The following ARHGEF16 variants were observed in gnomAD, a reference collection of about 807,000 sequenced individuals.
ARHGEF16 encodes Rho guanine nucleotide exchange factor 16, also known as Rho guanine exchange factor (GEF) 16.
In ARHGEF16, 59 loss-of-function variants were observed where a neutral mutation model predicts 74.1. The ratio of observed to expected loss-of-function variants is 0.80; its 90% CI spans 0.65 to 0.99. The LOEUF is 0.99. Among genes scored for constraint, ARHGEF16 ranks in the 50% least tolerant of loss-of-function variants. The pLI is 0.00. For missense variants in ARHGEF16, 948 were observed against 986.6 expected, an observed-to-expected ratio of 0.96 and a Z score of 0.52; for synonymous variants, 415 against 412.6, an observed-to-expected ratio of 1.01 and a Z score of -0.07.
intron 6 of ARHGEF16, 73 bp from the exon 7 acceptor site, chr1:3,472,981 TATGTGTGAGTGTGCATGCAGATGC>T: frequency 7.5e-7 from 1 of 1,334,510 alleles, no homozygotes; most frequent in African/African-American, 1.5e-5. Context: ...CACGTCCATG[TATGTGTGAGTGTGCATGCAGATGC>T]ATGTCTGTGT....
chr1:3,468,673 G>T, intron 4 of ARHGEF16: 1 of 605,372 alleles, frequency 1.7e-6, no homozygotes, highest in South Asian at 1.9e-5. Context: ...GGGAGCGGGG[G>T]GCTGACCCAA....
At position 3,468,932 on chromosome 1, in the gene ARHGEF16, A is replaced by G. The variant is rs1412433608; in HGVS notation, c.857A>G (p.Gln286Arg). 2 of 1,549,864 alleles carry G rather than the reference A, an allele frequency of 1.3e-6. No homozygotes were observed. Among genetic ancestry groups the G allele is most frequent in the African/African-American group, 2.7e-5 (2 of 72,988 alleles). The change falls in exon 5 of 15, where the codon CAG becomes CGG. Residue 286 changes from glutamine (Q) to arginine (R), a missense_variant. Coordinates refer to ENST00000378378, the MANE Select transcript of ARHGEF16 (RefSeq NM_014448.4). ...CTCTCCACTGAGGAGCGGAAAAGGC[A>G]GGAGGTAAAAGGGCCCTGGGCGGGA... ...DQLSTEERKRQEAMFEILTSE... is the reference protein window; with the variant it reads ...DQLSTEERKRREAMFEILTSE...
chr1:3,476,926 C>T (rs982598226), intron 10 of ARHGEF16, among the ~76,000 whole-genome samples: 8 of 152,116 alleles, frequency 5.3e-5, no homozygotes, highest in African/African-American at 1.4e-4. Flanking sequence ...GCAGCCCTCA[C>T]GCTTGTCTCC....
At chr1:3,475,855 G>C in intron 9 of ARHGEF16, 115 bp from the exon 10 acceptor site, 1 of 1,002,186 alleles carries the variant, frequency 1.0e-6, no homozygotes, top group South Asian at 1.7e-5. Flanking sequence ...TCCAGGGCAG[G>C]CACTGTGGGC....
Position 3,480,002 on chromosome 1 carries a change from G to C in ARHGEF16, c.1990+89G>C, listed in dbSNP as rs1379395361. Reference sequence around the variant, plus strand: ...AGCCTGGCCAGGTCCAGAGCATGCCGGGCTGCAGGCTGACCATGTGCTCAC... The same window carrying C: ...AGCCTGGCCAGGTCCAGAGCATGCCCGGCTGCAGGCTGACCATGTGCTCAC... On this transcript the variant is annotated intron_variant, in intron 14 of 14. Transcript: ENST00000378378. The C allele has an allele frequency of 1.1e-5, 14 of 1,318,558 alleles. No individual in the cohort carries two copies. In the East Asian group the frequency reaches 3.3e-4, roughly 31 times the overall value. 81.7% of individuals were successfully genotyped at this position (1,318,558 alleles called of 1,614,324 possible). A position where few individuals can be genotyped will look rare whatever the true frequency, so the allele number is the denominator to read the frequency against.
At chr1:3,478,071 A>G (rs893883772) in intron 11 of ARHGEF16, 45 bp downstream of exon 11, 1 of 1,610,906 alleles carries the variant, frequency 6.2e-7, no homozygotes, top group Admixed American at 1.7e-5. Context: ...CTCCATGGAC[A>G]CTGGACCGCT....
At chr1:3,474,834 T>TGGCCCC in intron 9 of ARHGEF16, 52 bp downstream of exon 9, 4 of 1,527,994 alleles carry the variant, frequency 2.6e-6, no homozygotes, top group Non-Finnish European at 2.7e-6. Context: ...CCCGACCCTG[T>TGGCCCC]CCCCACCCAA....
chr1:3,477,008 C>T (rs920958143), intron 10 of ARHGEF16, among the ~76,000 whole-genome samples: 3 of 152,046 alleles, frequency 2.0e-5, no homozygotes, highest in Admixed American at 6.5e-5. Flanking sequence ...GCCTGGTCCA[C>T]CCCTGAGTGG....
chr1:3,467,925 G>T (rs1289180298), intron 4 of ARHGEF16, among the ~76,000 whole-genome samples: 5 of 152,100 alleles, frequency 3.3e-5, no homozygotes, highest in Non-Finnish European at 5.9e-5. Context: ...GGGGAGGGCG[G>T]GCCCCCACCT....
chr1:3,463,692 G>T lies in ARHGEF16; in HGVS notation c.588+20G>T. On this transcript the variant is annotated intron_variant, in intron 2 of 14. Coordinates refer to ENST00000378378, the MANE Select transcript of ARHGEF16 (RefSeq NM_014448.4). ...AACAAGGTAGGGGCCTGCTCGTGTGGACCGTGGGGAGGGGGCTGCTAGGCA... is the reference window on the plus strand; with the variant it reads ...AACAAGGTAGGGGCCTGCTCGTGTGTACCGTGGGGAGGGGGCTGCTAGGCA... 2 of 1,387,412 alleles carry T rather than the reference G, an allele frequency of 1.4e-6. No individual in the cohort carries two copies. Among genetic ancestry groups the T allele is most frequent in the South Asian group, 2.0e-5 (1 of 50,052 alleles). 85.9% of individuals were successfully genotyped at this position (1,387,412 alleles called of 1,614,324 possible). A position where few individuals can be genotyped will look rare whatever the true frequency, so the allele number is the denominator to read the frequency against.
intron 2 of ARHGEF16, among the ~76,000 whole-genome samples, chr1:3,464,460 T>C (rs1434216457): frequency 6.6e-6 from 1 of 152,134 alleles, no homozygotes; most frequent in East Asian, 1.9e-4. Flanking sequence ...CTTGGTCTCT[T>C]TAGCTGGTGG....
In ARHGEF16 at chr1:3,473,455, G is replaced by T. The variant is rs1347656135; in HGVS notation, c.1238G>T (p.Gly413Val). 4 of 1,612,518 alleles carry T rather than the reference G, an allele frequency of 2.5e-6. No homozygotes were observed. The highest frequency in any genetic ancestry group is 3.4e-6 in the Non-Finnish European group (4 of 1,179,978). Residue 413 changes from glycine (G) to valine (V), a missense_variant, in exon 8 of 15, where the codon GGC becomes GTC. By Grantham distance (109) the Gly-to-Val change is moderately radical (BLOSUM62 -3). Coordinates refer to ENST00000378378, the MANE Select transcript of ARHGEF16 (RefSeq NM_014448.4). Reference sequence around the variant, plus strand: ...ATTGAGAGGCGGCCGGCGTGCGGGGGCCTGCCCATGCTCTCCTTCCTGATC... The same window carrying T: ...ATTGAGAGGCGGCCGGCGTGCGGGGTCCTGCCCATGCTCTCCTTCCTGATC... ...REIERRPACG[G>V]LPMLSFLILP...
At chr1:3,480,400 G>T (rs1640023006) in intron 14 of ARHGEF16, 48 bp from the exon 15 acceptor site, 2 of 1,606,238 alleles carry the variant, frequency 1.2e-6, no homozygotes, top group East Asian at 4.5e-5. Flanking sequence ...GGGGCCGGGG[G>T]ACCCACGGCC....
In ARHGEF16 at chr1:3,473,101, G is replaced by T. The variant is rs536938385; in HGVS notation, c.1046G>T (p.Arg349Leu). Residue 349 changes from arginine (R) to leucine (L), a missense_variant, in exon 7 of 15, where the codon CGG becomes CTG. Physicochemically the swap from Arg to Leu is moderately radical, Grantham distance 102 (BLOSUM62 -2). Coordinates refer to ENST00000378378, the MANE Select transcript of ARHGEF16 (RefSeq NM_014448.4). ...AGGTTCTTCGAGGACCTGGAGCAGC[G>T]GCACAAGGCCCAGGTGCTGGTCGAG... ...SQRFFEDLEQ[R>L]HKAQVLVEDI... 33 of 1,613,172 alleles carry T rather than the reference G, an allele frequency of 2.0e-5. No individual in the cohort carries two copies. The South Asian group carries it at 3.1e-4, about 15-fold the overall frequency.
Position 3,463,413 on chromosome 1 carries a change from C to A in ARHGEF16, c.329C>A (p.Ala110Glu), listed in dbSNP as rs977683455. Residue 110 changes from alanine to glutamate, a missense_variant, in exon 2 of 15, where the codon GCG becomes GAG. By Grantham distance (107) the Ala-to-Glu change is moderately radical (BLOSUM62 -1). Transcript: ENST00000378378. ...KTPARHQSFG[A>E]AVLSREAARR... The stretch of plus-strand genomic sequence containing the variant: ...CCAGCCCGCCACCAGAGCTTCGGGG[C>A]GGCTGTACTTAGCAGGGAGGCCGCC... The A allele has an allele frequency of 1.9e-6, 3 of 1,549,912 alleles. No homozygotes were observed. The highest frequency in any genetic ancestry group is 1.7e-6 in the Non-Finnish European group (2 of 1,146,734).
chr1:3,457,146 G>C (rs1381681187), intron 1 of ARHGEF16, among the ~76,000 whole-genome samples: 2 of 152,256 alleles, frequency 1.3e-5, no homozygotes, highest in African/African-American at 4.8e-5. Context: ...AAACGGAGCT[G>C]GCTGATGTGT....
At chr1:3,457,743 G>A (rs1639298538) in intron 1 of ARHGEF16, among the ~76,000 whole-genome samples, 1 of 152,198 alleles carries the variant, frequency 6.6e-6, no homozygotes, top group Non-Finnish European at 1.5e-5. Context: ...GCCAGGCGGG[G>A]GCCCCTGAGA....
At chr1:3,471,636 C>A (rs1438026339) in intron 6 of ARHGEF16, 1 of 1,191,476 alleles carries the variant, frequency 8.4e-7, no homozygotes, top group Admixed American at 3.4e-5. Flanking sequence ...GTCCTCCGGT[C>A]CCCTCTGCCT....
chr1:3,461,402 C>A (rs1639389367), intron 1 of ARHGEF16, among the ~76,000 whole-genome samples: 2 of 152,222 alleles, frequency 1.3e-5, no homozygotes, highest in South Asian at 2.1e-4. Context: ...TTGCTCTTAT[C>A]ATGCCCATTT....
Sources: allele counts gnomAD v4.1 joint callset (sites outside exome capture counted in the v4.1 genomes callset), GRCh38; gene constraint gnomAD v4.1.1; transcripts MANE v1.5; gene names NCBI Gene and HGNC (gene_info 2026-07-23, HGNC 2026-07-21).